The following RB1CC1 variants were observed in gnomAD, a reference collection of about 807,000 sequenced individuals.
RB1CC1 encodes RB1-inducible coiled-coil protein 1.
RB1CC1 carries 46 observed loss-of-function variants against 177.5 expected under a neutral mutation model. The observed-to-expected ratio is 0.26, with a 90% CI of 0.20 to 0.33. The LOEUF (loss-of-function observed/expected upper bound fraction) is 0.33, where lower values mean the gene tolerates loss of function less well. Among genes scored for constraint, RB1CC1 ranks in the 10% least tolerant of loss-of-function variants. The probability of loss-of-function intolerance (pLI) is 1.00; values close to 1 mark genes in which losing one functional copy is unlikely to be tolerated. For missense variants in RB1CC1, 1,703 were observed against 1,816.3 expected, an observed-to-expected ratio of 0.94 and a Z score of 1.13; for synonymous variants, 666 against 613.6, an observed-to-expected ratio of 1.09 and a Z score of -1.26.
rs1183407164 is a variant in RB1CC1 at position 52,698,670 on chromosome 8, G to GTTTTTT, written c.-166-11709_-166-11704dup. Among the ~76,000 whole-genome samples the GTTTTTT allele has an allele frequency of 3.4e-4, 26 of 77,464 alleles. 1 individual carries two copies. Among genetic ancestry groups the GTTTTTT allele is most frequent in the Non-Finnish European group, 4.6e-4 (19 of 41,430 alleles). 50.8% of individuals were successfully genotyped at this position (77,464 alleles called of 152,430 possible). A position where few individuals can be genotyped will look rare whatever the true frequency, so the allele number is the denominator to read the frequency against. ...ACAAAAACTGTATATGTAATGGTTG[G>GTTTTTT]TTTTTTTTTTTTTTTTTTTTTTTTT... On this transcript the variant is annotated intron_variant, in intron 1 of 23. Coordinates refer to ENST00000025008, the MANE Select transcript of RB1CC1 (RefSeq NM_014781.5).
At chr8:52,690,137 G>A (rs963578552) in intron 1 of RB1CC1, among the ~76,000 whole-genome samples, 13 of 152,158 alleles carry the variant, frequency 8.5e-5, no homozygotes, top group African/African-American at 3.1e-4. Flanking sequence ...GAGATAAACA[G>A]GAATCAGATG....
At chr8:52,662,755 G>T (rs2150507783) in intron 8 of RB1CC1, among the ~76,000 whole-genome samples, 1 of 152,096 alleles carries the variant, frequency 6.6e-6, no homozygotes, top group East Asian at 1.9e-4. Context: ...TTCAATATCT[G>T]AAAGGAAGAC....
At chr8:52,662,162 T>G (rs982863520) in intron 8 of RB1CC1, among the ~76,000 whole-genome samples, 2 of 152,052 alleles carry the variant, frequency 1.3e-5, no homozygotes, top group African/African-American at 4.8e-5. Flanking sequence ...GCCCTTAAAA[T>G]ATTTATCGAA....
intron 1 of RB1CC1, among the ~76,000 whole-genome samples, chr8:52,702,983 G>T (rs2150698181): frequency 1.3e-5 from 2 of 152,222 alleles, no homozygotes; most frequent in South Asian, 2.1e-4. Flanking sequence ...TACTCTTGGG[G>T]TTCTAGTAGC....
At chr8:52,629,454 T>C (rs996133702) in intron 21 of RB1CC1, among the ~76,000 whole-genome samples, 9 of 152,134 alleles carry the variant, frequency 5.9e-5, no homozygotes, top group African/African-American at 1.7e-4. Context: ...AAAATAAAAT[T>C]TGAAGCCCCC....
At chr8:52,676,675 A>G (rs1275997313) in intron 5 of RB1CC1, 104 bp from the exon 6 acceptor site, 10 of 990,382 alleles carry the variant, frequency 1.0e-5, no homozygotes, top group Admixed American at 2.7e-5. Flanking sequence ...GTTGTAGAGC[A>G]CATTTAACAA....
At chr8:52,701,870 A>G (rs1453701635) in intron 1 of RB1CC1, among the ~76,000 whole-genome samples, 2 of 151,548 alleles carry the variant, frequency 1.3e-5, no homozygotes, top group East Asian at 3.9e-4. Context: ...GCAGTGGCAC[A>G]ATCTCAGCTC....
intron 16 of RB1CC1, 76 bp from the exon 17 acceptor site, chr8:52,642,888 T>C: frequency 7.4e-7 from 1 of 1,355,648 alleles, no homozygotes; most frequent in African/African-American, 1.5e-5. Flanking sequence ...CACTTGCAAA[T>C]ATTCTTTTCT....
chr8:52,682,500 C>T (rs1412996285), intron 5 of RB1CC1, among the ~76,000 whole-genome samples: 2 of 151,870 alleles, frequency 1.3e-5, no homozygotes, highest in Admixed American at 1.3e-4. Context: ...GAAATAATGC[C>T]AGCTTATATT....
intron 5 of RB1CC1, among the ~76,000 whole-genome samples, chr8:52,682,861 GA>G (rs1853884639): frequency 6.6e-6 from 1 of 152,058 alleles, no homozygotes; most frequent in Non-Finnish European, 1.5e-5. Context: ...TATCCTATGT[GA>G]AAAATGGGGG....
intron 1 of RB1CC1, among the ~76,000 whole-genome samples, chr8:52,692,318 G>A (rs938964375): frequency 1.3e-5 from 2 of 152,030 alleles, no homozygotes; most frequent in African/African-American, 4.8e-5. Context: ...CCTACTTTCA[G>A]GGGGAAAAAA....
intron 1 of RB1CC1, among the ~76,000 whole-genome samples, chr8:52,690,356 G>A (rs994983981): frequency 1.3e-5 from 2 of 152,196 alleles, no homozygotes; most frequent in African/African-American, 4.8e-5. Flanking sequence ...TTATGTGCCA[G>A]GACTGGGTAT....
chr8:52,681,681 A>C (rs901415747), intron 5 of RB1CC1, among the ~76,000 whole-genome samples: 16 of 152,362 alleles, frequency 1.1e-4, no homozygotes, highest in Admixed American at 8.5e-4. Context: ...CTATAATCCC[A>C]GCACTTAGGG....
chr8:52,652,029 A>C (rs931791652), intron 15 of RB1CC1, among the ~76,000 whole-genome samples: 12 of 152,210 alleles, frequency 7.9e-5, no homozygotes, highest in Admixed American at 6.5e-5. Flanking sequence ...AAGGCTATTT[A>C]AATATTCCTT....
intron 7 of RB1CC1, among the ~76,000 whole-genome samples, chr8:52,671,550 TGA>T (rs919124110): frequency 2.6e-5 from 4 of 152,182 alleles, no homozygotes; most frequent in Non-Finnish European, 5.9e-5. Flanking sequence ...ATAGTACTCC[TGA>T]GAGGAGAAAA....
rs1267421715 is a variant in RB1CC1, at chr8:52,645,617, C to A, written c.3987+85G>T. ...AACATCACATCTAAGATATAAGAAA[C>A]CCTCAGCTACATAAAGAAATTATAT... On this transcript the variant is annotated intron_variant, in intron 16 of 23. Coordinates refer to ENST00000025008, the MANE Select transcript of RB1CC1 (RefSeq NM_014781.5). 6 of 1,353,692 alleles carry A rather than the reference C, an allele frequency of 4.4e-6. No individual in the cohort carries two copies. The African/African-American group carries it at 4.5e-5, about 10-fold the overall frequency. 83.9% of individuals were successfully genotyped at this position (1,353,692 alleles called of 1,614,324 possible).
chr8:52,631,224 T>C (rs957153100), intron 20 of RB1CC1, among the ~76,000 whole-genome samples: 1 of 152,148 alleles, frequency 6.6e-6, no homozygotes, highest in African/African-American at 2.4e-5. Flanking sequence ...AGGAACTTAG[T>C]TGTCCCAACG....
intron 5 of RB1CC1, among the ~76,000 whole-genome samples, chr8:52,680,845 CA>C (rs985684128): frequency 6.4e-4 from 97 of 152,116 alleles, no homozygotes; most frequent in African/African-American, 2.1e-3. Flanking sequence ...AAAAAGAGAC[CA>C]AGTAATGTTG....
intron 11 of RB1CC1, 24 bp downstream of exon 11, chr8:52,660,901 AT>A (rs750152121): frequency 6.4e-7 from 1 of 1,569,062 alleles, no homozygotes; most frequent in Non-Finnish European, 8.7e-7. Flanking sequence ...TACAAAAGTA[AT>A]TAAAATTATT....
Sources: gnomAD v4.1 joint callset for allele counts (sites outside exome capture counted in the v4.1 genomes callset) on GRCh38, gnomAD v4.1.1 for gene constraint, MANE v1.5 for transcripts, NCBI Gene and HGNC (gene_info 2026-07-23, HGNC 2026-07-21) for gene names.